The following TLN2 variants were observed in gnomAD, a reference collection of about 807,000 sequenced individuals.
The protein encoded by TLN2 is talin-2.
In TLN2, 118 loss-of-function variants were observed where a neutral mutation model predicts 294.7. That is an observed-to-expected ratio of 0.40 (90% CI 0.34 to 0.47). The LOEUF is 0.47. Among genes scored for constraint, TLN2 ranks in the 20% least tolerant of loss-of-function variants. The pLI is 0.84. For missense variants in TLN2, 3,083 were observed against 3,282.2 expected (o/e 0.94, Z 1.48); for synonymous variants, 1,431 against 1,304.5 (o/e 1.10, Z -2.09).
chr15:62,492,652 T>A (rs1285620775), intron 1 of TLN2, among the ~76,000 whole-genome samples: 1 of 152,134 alleles, frequency 6.6e-6, no homozygotes, highest in Non-Finnish European at 1.5e-5. Context: ...CAGTTTCCTT[T>A]TGTGATTTTT....
At chr15:62,739,892 T>C (rs1397030116) in intron 31 of TLN2, among the ~76,000 whole-genome samples, 4 of 152,152 alleles carry the variant, frequency 2.6e-5, no homozygotes, top group African/African-American at 9.7e-5. Context: ...AAAATATATA[T>C]GTATTTGAGG....
intron 3 of TLN2, among the ~76,000 whole-genome samples, chr15:62,626,709 G>A (rs1263940187): frequency 6.6e-6 from 1 of 152,178 alleles, no homozygotes; most frequent in Non-Finnish European, 1.5e-5. Context: ...GAGACTCAGA[G>A]ATGATAAATG....
At chr15:62,631,650 C>CTTCT (rs1555451410) in intron 3 of TLN2, among the ~76,000 whole-genome samples, 2 of 139,990 alleles carry the variant, frequency 1.4e-5, no homozygotes, top group African/African-American at 2.7e-5. Context: ...TCTTTCTTTC[C>CTTCT]TTCTTTTTCT....
At chr15:62,624,537 A>G (rs7168967) in intron 3 of TLN2, among the ~76,000 whole-genome samples, 6,833 of 152,320 alleles carry the variant, frequency 0.045, 543 homozygotes, top group African/African-American at 0.16. Flanking sequence ...ATTGAAAGGC[A>G]TAAGATTTTC....
chr15:62,685,981 T>A (rs191250074), intron 11 of TLN2, among the ~76,000 whole-genome samples: 2 of 152,132 alleles, frequency 1.3e-5, no homozygotes, highest in African/African-American at 2.4e-5. Context: ...TCCACTTGGA[T>A]GTTCTTCCTA....
chr15:62,421,327 C>T (rs998276157), intron 1 of TLN2, among the ~76,000 whole-genome samples: 4 of 152,106 alleles, frequency 2.6e-5, no homozygotes, highest in Non-Finnish European at 2.9e-5. Flanking sequence ...TGAGTCACTG[C>T]GCGCAGCCCC....
chr15:62,543,270 T>A (rs2140527773), intron 1 of TLN2, among the ~76,000 whole-genome samples: 1 of 152,324 alleles, frequency 6.6e-6, no homozygotes, highest in South Asian at 2.1e-4. Flanking sequence ...GTTCAGAAAC[T>A]CTATATTCTC....
chr15:62,435,572 G>A (rs1308125660), intron 1 of TLN2, among the ~76,000 whole-genome samples: 1 of 151,794 alleles, frequency 6.6e-6, no homozygotes, highest in African/African-American at 2.4e-5. Context: ...ATGGAGTTTT[G>A]CTCTTGTCAC....
At position 62,737,008 on chromosome 15, in the gene TLN2, C is replaced by T. The variant is rs1390143132; in HGVS notation, c.3489C>T (p.Gly1163=). 1 of 1,614,226 alleles carries T rather than the reference C, an allele frequency of 6.2e-7. No individual in the cohort carries two copies. The highest frequency in any genetic ancestry group is 1.7e-5 in the Admixed American group (1 of 60,036). Residue 1163 remains glycine (G), a synonymous_variant, in exon 29 of 59, where the codon GGC becomes GGT. Transcript: ENST00000636159. ...MLDSARDVME[G]SAMLIQEAKQ... ...ATTCTGCTCGAGACGTGATGGAGGG[C>T]TCCGCCATGCTCATTCAAGAGGCCA...
chr15:62,630,169 A>G (rs927968729), intron 3 of TLN2, among the ~76,000 whole-genome samples: 6 of 152,052 alleles, frequency 3.9e-5, no homozygotes, highest in African/African-American at 1.4e-4. Flanking sequence ...ACTAATCATC[A>G]TTTTTGCTTA....
intron 2 of TLN2, among the ~76,000 whole-genome samples, chr15:62,605,066 G>A (rs181776232): frequency 1.5e-4 from 23 of 152,226 alleles, no homozygotes; most frequent in Admixed American, 3.3e-4. Context: ...TGATGTAAAT[G>A]AAAAGTGCAT....
rs79859265 is a variant in TLN2, at chr15:62,403,681, A to G, written c.-238+12996A>G. Among the ~76,000 whole-genome samples the G allele has an allele frequency of 3.1e-3, 478 of 152,176 alleles. 3 individuals are homozygous for G. Among genetic ancestry groups the G allele is most frequent in the African/African-American group, 0.011 (468 of 41,532 alleles). On this transcript the variant is annotated intron_variant, in intron 1 of 58. Transcript: ENST00000636159. ...ACCCTTCCACTGGCTTCCATGTCAC[A>G]ATCTGGTTCTCCTACCCCCGGCTTC...
chr15:62,838,525 A>C (rs1334409463), intron 57 of TLN2, among the ~76,000 whole-genome samples: 1 of 152,148 alleles, frequency 6.6e-6, no homozygotes, highest in African/African-American at 2.4e-5. Flanking sequence ...AGGAGGCAGA[A>C]CTCCGGCATG....
chr15:62,527,381 A>G, intron 1 of TLN2, among the ~76,000 whole-genome samples: 1 of 152,194 alleles, frequency 6.6e-6, no homozygotes, highest in Non-Finnish European at 1.5e-5. Flanking sequence ...TGCATCAGGA[A>G]ACCGTTAGCT....
chr15:62,747,428 A>G (rs1019495644), intron 32 of TLN2, among the ~76,000 whole-genome samples: 3 of 152,226 alleles, frequency 2.0e-5, no homozygotes, highest in Admixed American at 6.5e-5. Flanking sequence ...AGTCAATCAT[A>G]TAGAATTTAA....
At chr15:62,496,595 A>G (rs2039030708) in intron 1 of TLN2, among the ~76,000 whole-genome samples, 2 of 152,168 alleles carry the variant, frequency 1.3e-5, no homozygotes, top group Admixed American at 1.3e-4. Flanking sequence ...CCCACTGTTT[A>G]AAGGATGGAG....
intron 21 of TLN2, among the ~76,000 whole-genome samples, chr15:62,710,024 C>G (rs1490637254): frequency 6.6e-6 from 1 of 152,212 alleles, no homozygotes; most frequent in African/African-American, 2.4e-5. Flanking sequence ...GGTGAGCCAC[C>G]ATGCCCAACC....
intron 1 of TLN2, among the ~76,000 whole-genome samples, chr15:62,514,971 A>G (rs568559537): frequency 2.6e-5 from 4 of 152,302 alleles, no homozygotes; most frequent in Admixed American, 2.0e-4. Flanking sequence ...TTTTGTGGAG[A>G]GGAGCAGGTA....
chr15:62,541,405 C>T (rs1287578138), intron 1 of TLN2, among the ~76,000 whole-genome samples: 5 of 152,222 alleles, frequency 3.3e-5, no homozygotes, highest in African/African-American at 7.2e-5. Context: ...ATTCTGTTTC[C>T]GGCCTGGAAT....
Sources: allele counts gnomAD v4.1 joint callset (sites outside exome capture counted in the v4.1 genomes callset), GRCh38; gene constraint gnomAD v4.1.1; transcripts MANE v1.5; gene names NCBI Gene and HGNC (gene_info 2026-07-23, HGNC 2026-07-21).